The following LMX1A variants were observed in gnomAD, a reference collection of about 807,000 sequenced individuals.
LMX1A encodes the protein LIM homeobox transcription factor 1-alpha.
In LMX1A, 15 loss-of-function variants were observed where a neutral mutation model predicts 49.1. The observed-to-expected ratio is 0.31, with a 90% confidence interval of 0.20 to 0.47. The LOEUF is 0.47. Ranked by LOEUF, LMX1A falls within the 20% of genes least tolerant of loss-of-function variation. The pLI, the probability that LMX1A is intolerant of heterozygous loss-of-function variation, is 1.00. For synonymous variants in LMX1A, 167 were observed against 185.7 expected (o/e 0.90, Z 0.82); for missense variants, 372 against 475.8 (o/e 0.78, Z 2.03).
rs1293422856 is a variant in LMX1A, at chr1:165,203,900, T to C, written c.1129A>G (p.Asn377Asp). 1.9e-6 allele frequency: 3 copies of C among 1,614,108 alleles called. No individual in the cohort carries two copies. The Admixed American group carries it at 5.0e-5, about 27-fold the overall frequency. ...AAGACTCAAGATGTGAAGTAAGAAT[T>C]CTGCATGGAGTACAGATGGTCAATG... ...NPIDHLYSMQ[N>D]SYFTS is the part of the protein sequence containing the mutation. The change falls in exon 9 of 9, where the codon AAT becomes GAT. Residue 377 changes from asparagine (N) to aspartate (D), a missense_variant. Coordinates refer to ENST00000342310, the MANE Select transcript of LMX1A (RefSeq NM_177398.4).
rs1487809532 is a variant in LMX1A, at chr1:165,202,577, T to C, written c.*1303A>G. The C allele has an allele frequency of 6.6e-6, 1 of 152,100 alleles. No homozygotes were observed. The highest frequency in any genetic ancestry group is 2.4e-5 in the African/African-American group (1 of 41,406). 9.4% of individuals were successfully genotyped at this position (152,100 alleles called of 1,614,324 possible). A position where few individuals can be genotyped will look rare whatever the true frequency, so the allele number is the denominator to read the frequency against. ...TTATATATTCTTCTTCTCCTTTTTT[T>C]TAATGACCTCAAAAAAAAAGTAAAA... On this transcript the variant is annotated 3_prime_UTR_variant, in exon 9 of 9. Transcript: ENST00000342310.
chr1:165,221,639 T>C (rs6686960), intron 4 of LMX1A, among the ~76,000 whole-genome samples: 125,766 of 152,092 alleles, frequency 0.83, 52,176 homozygotes, highest in East Asian at 0.95. Context: ...GCAGGGCACT[T>C]CAGCTCAGAC....
intron 3 of LMX1A, among the ~76,000 whole-genome samples, chr1:165,251,919 C>T (rs930476851): frequency 6.6e-6 from 1 of 152,166 alleles, no homozygotes. Context: ...GAGGCCTGGG[C>T]TCTGCTGCCA....
chr1:165,213,374 C>A (rs1651504261), intron 5 of LMX1A: 1 of 375,746 alleles, frequency 2.7e-6, no homozygotes, highest in Non-Finnish European at 4.7e-6. Context: ...TATTACTGTT[C>A]CCATTGTGCT....
chr1:165,302,973 A>G (rs1304569681), intron 3 of LMX1A, among the ~76,000 whole-genome samples: 2 of 151,560 alleles, frequency 1.3e-5, no homozygotes, highest in African/African-American at 4.9e-5. Context: ...GCTCCACACT[A>G]CTCCCTTCAT....
intron 3 of LMX1A, among the ~76,000 whole-genome samples, chr1:165,255,335 T>C (rs1653199736): frequency 6.6e-6 from 1 of 152,162 alleles, no homozygotes; most frequent in African/African-American, 2.4e-5. Flanking sequence ...AGCAGGAAAA[T>C]AGAGGTTGGC....
chr1:165,255,472 G>A (rs1653204389), intron 3 of LMX1A, among the ~76,000 whole-genome samples: 1 of 152,204 alleles, frequency 6.6e-6, no homozygotes. Context: ...CAGCATGACT[G>A]GGAGAACACC....
intron 3 of LMX1A, among the ~76,000 whole-genome samples, chr1:165,250,961 G>A (rs1263465569): frequency 2.0e-5 from 3 of 152,196 alleles, no homozygotes; most frequent in East Asian, 1.9e-4. Context: ...AGGTTGTAAG[G>A]TGCACTCCAC....
intron 3 of LMX1A, among the ~76,000 whole-genome samples, chr1:165,281,566 G>A (rs2101706263): frequency 6.6e-6 from 1 of 152,350 alleles, no homozygotes; most frequent in South Asian, 2.1e-4. Context: ...AAGGGAACTT[G>A]CATTGGAGGA....
At chr1:165,266,809 G>C (rs1241456684) in intron 3 of LMX1A, among the ~76,000 whole-genome samples, 2 of 151,888 alleles carry the variant, frequency 1.3e-5, no homozygotes, top group Non-Finnish European at 2.9e-5. Context: ...CACCGCGTTA[G>C]CCAGGGTGGT....
At chr1:165,344,785 T>C (rs1394911465) in intron 3 of LMX1A, among the ~76,000 whole-genome samples, 2 of 152,214 alleles carry the variant, frequency 1.3e-5, no homozygotes, top group African/African-American at 4.8e-5. Context: ...TAGGACCCAG[T>C]GACTGCCAAG....
intron 5 of LMX1A, among the ~76,000 whole-genome samples, chr1:165,212,125 A>C (rs17403243): frequency 0.17 from 25,364 of 152,272 alleles, 2,588 homozygotes; most frequent in Non-Finnish European, 0.23. Flanking sequence ...GTGAGTCTGC[A>C]GCTGAATCTT....
At chr1:165,279,257 A>C (rs1298917951) in intron 3 of LMX1A, among the ~76,000 whole-genome samples, 1 of 152,172 alleles carries the variant, frequency 6.6e-6, no homozygotes, top group African/African-American at 2.4e-5. Context: ...TGGAGACTTC[A>C]TCCAGTGGGA....
At position 165,316,160 on chromosome 1, in the gene LMX1A, C is replaced by T. The variant is rs1172652189; in HGVS notation, c.263+36916G>A. 9.8e-4 allele frequency among the ~76,000 whole-genome samples: 149 copies of T among 152,288 alleles called. 1 individual carries two copies. The highest frequency in any genetic ancestry group is 2.1e-4 in the South Asian group (1 of 4,828). On this transcript the variant is annotated intron_variant, in intron 3 of 8. Transcript: ENST00000342310. The stretch of plus-strand genomic sequence containing the variant: ...AGGTTTTTCTTTCTTGGTTGGGTAG[C>T]TGCCTTGGTGACATTCTGTCTTTAT...
intron 4 of LMX1A, among the ~76,000 whole-genome samples, chr1:165,238,673 G>C (rs1377530865): frequency 6.6e-6 from 1 of 152,132 alleles, no homozygotes; most frequent in African/African-American, 2.4e-5. Flanking sequence ...CTTCAGTTGG[G>C]GTCTCTCAGG....
At chr1:165,211,507 G>C (rs912254680) in intron 5 of LMX1A, among the ~76,000 whole-genome samples, 2 of 152,216 alleles carry the variant, frequency 1.3e-5, no homozygotes, top group Non-Finnish European at 2.9e-5. Context: ...ATTTTCAGAG[G>C]GGGGCCTGAG....
At chr1:165,264,156 A>C (rs12097516) in intron 3 of LMX1A, among the ~76,000 whole-genome samples, 62,210 of 151,768 alleles carry the variant, frequency 0.41, 13,015 homozygotes, top group African/African-American at 0.46. Context: ...ATAAAAAAAA[A>C]CAGGAGGAAT....
intron 3 of LMX1A, among the ~76,000 whole-genome samples, chr1:165,286,710 G>A (rs1170948088): frequency 6.6e-6 from 1 of 152,102 alleles, no homozygotes. Flanking sequence ...AGAAACTGAG[G>A]TTCAAAAAAG....
chr1:165,353,793 G>A (rs140443928), intron 2 of LMX1A, among the ~76,000 whole-genome samples: 4 of 152,294 alleles, frequency 2.6e-5, no homozygotes, highest in African/African-American at 9.6e-5. Flanking sequence ...GTCTCACTCC[G>A]AAGCAAACCT....
Sources: allele counts gnomAD v4.1 joint callset (sites outside exome capture counted in the v4.1 genomes callset), GRCh38; gene constraint gnomAD v4.1.1; transcripts MANE v1.5; gene names NCBI Gene and HGNC (gene_info 2026-07-23, HGNC 2026-07-21).